The following YBEY variants were observed in gnomAD, a reference collection of about 807,000 sequenced individuals.
The protein encoded by YBEY is endoribonuclease YbeY.
In YBEY, 15 loss-of-function variants were observed where a neutral mutation model predicts 13.5. The ratio of observed to expected loss-of-function variants is 1.11; its 90% CI spans 0.75 to 1.72. The LOEUF (loss-of-function observed/expected upper bound fraction) is 1.72, where lower values mean the gene tolerates loss of function less well. Among genes scored for constraint, YBEY ranks in the 40% most tolerant of loss-of-function variants. YBEY has a pLI of 0.00. For missense variants in YBEY, 244 were observed against 208.4 expected, an observed-to-expected ratio of 1.17 and a Z score of -1.05; for synonymous variants, 101 against 83.1, an observed-to-expected ratio of 1.21 and a Z score of -1.17.
chr21:46,300,516 T>G (rs1027554743), downstream of YBEY: 6 of 411,414 alleles, frequency 1.5e-5, no homozygotes, highest in Admixed American at 3.1e-4. Context: ...GAGCTTTGGT[T>G]TGAGCTTTTA....
chr21:46,299,047 CT>C (rs58361649), downstream of YBEY, among the ~76,000 whole-genome samples: 76,514 of 108,506 alleles, frequency 0.71, 25,777 homozygotes, highest in Middle Eastern at 0.79. Flanking sequence ...TTCTTTCTTT[CT>C]TTTTTTTTTT....
the YBEY span, chr21:46,313,020 G>C: frequency 1.0e-6 from 1 of 985,430 alleles, no homozygotes; most frequent in Non-Finnish European, 1.2e-6. Context: ...GAGGCTGCCT[G>C]GCCTTGTCCC....
chr21:46,297,637 G>T lies in YBEY; in HGVS notation c.*3G>T. The T allele has an allele frequency of 7.7e-7, 1 of 1,303,712 alleles. No homozygotes were observed. Among genetic ancestry groups the T allele is most frequent in the Non-Finnish European group, 9.9e-7 (1 of 1,013,706 alleles). The allele number at this position is 1,303,712 out of a possible 1,614,324, so 80.8% of individuals were successfully genotyped here. A position where few individuals can be genotyped will look rare whatever the true frequency, so the allele number is the denominator to read the frequency against. On this transcript the variant is annotated 3_prime_UTR_variant, in exon 5 of 5. Transcript: ENST00000397701. ...GGGGCCTCTTCGGAGGGAGCTGAGG[G>T]CCGCGTTCCTTCTGAAAGCGGGACG...
At chr21:46,289,148 T>A (rs937501967) in intron 2 of YBEY, among the ~76,000 whole-genome samples, 1 of 152,188 alleles carries the variant, frequency 6.6e-6, no homozygotes, top group African/African-American at 2.4e-5. Context: ...AGTCTTTATG[T>A]GGAAAATGTG....
At chr21:46,291,060 G>A (rs973724721) in intron 2 of YBEY, among the ~76,000 whole-genome samples, 1 of 150,732 alleles carries the variant, frequency 6.6e-6, no homozygotes, top group Non-Finnish European at 1.5e-5. Flanking sequence ...AGCTGGGCAC[G>A]GTGGCATGCA....
intron 2 of YBEY, 133 bp downstream of exon 2, chr21:46,287,256 T>G: frequency 2.3e-6 from 2 of 870,786 alleles, no homozygotes; most frequent in South Asian, 1.8e-5. Flanking sequence ...AGTGCAGTGG[T>G]GCGATCTCGG....
At chr21:46,303,179 A>T in the YBEY span, among the ~76,000 whole-genome samples, 2 of 151,736 alleles carry the variant, frequency 1.3e-5, no homozygotes, top group African/African-American at 4.9e-5. Flanking sequence ...AAAAAAAAAA[A>T]TTAAAACATC....
chr21:46,302,696 C>T (rs1556338), downstream of YBEY: 1 of 774,252 alleles, frequency 1.3e-6, no homozygotes, highest in African/African-American at 1.7e-5. Context: ...GTCCCCGGGG[C>T]AGGCTCTGAG....
chr21:46,312,119 C>CCATT, the YBEY span, among the ~76,000 whole-genome samples: 1 of 152,106 alleles, frequency 6.6e-6, no homozygotes, highest in African/African-American at 2.4e-5. Context: ...ACCTACACAT[C>CCATT]CATTCATCCA....
chr21:46,288,460 G>A (rs576434339), intron 2 of YBEY, among the ~76,000 whole-genome samples: 1 of 151,872 alleles, frequency 6.6e-6, no homozygotes, highest in African/African-American at 2.4e-5. Flanking sequence ...GGTGGATCAC[G>A]ATGTCAGGAA....
chr21:46,308,602 G>A, the YBEY span, among the ~76,000 whole-genome samples: 2 of 152,176 alleles, frequency 1.3e-5, no homozygotes, highest in Non-Finnish European at 2.9e-5. Flanking sequence ...AAAACAAGAA[G>A]CAACCCAAAT....
intron 3 of YBEY, among the ~76,000 whole-genome samples, chr21:46,295,479 C>CCCTCCTCTTCCTCCT (rs1387610032): frequency 3.3e-5 from 5 of 152,060 alleles, no homozygotes; most frequent in Non-Finnish European, 7.4e-5. Context: ...CACAGGCCCT[C>CCCTCCTCTTCCTCCT]CCTCCTCTTC....
At chr21:46,291,064 G>A (rs185532811) in intron 2 of YBEY, among the ~76,000 whole-genome samples, 1 of 151,432 alleles carries the variant, frequency 6.6e-6, no homozygotes, top group East Asian at 1.9e-4. Flanking sequence ...GGGCACGGTG[G>A]CATGCACCTG....
intron 3 of YBEY, among the ~76,000 whole-genome samples, chr21:46,293,193 CGTGCCCGGG>C (rs1384981207): frequency 2.2e-4 from 20 of 89,588 alleles, no homozygotes; most frequent in South Asian, 5.6e-4. Context: ...TAGCCTGACC[CGTGCCCGGG>C]ACTCAGTGGG....
At chr21:46,290,171 G>C (rs558049587) in intron 2 of YBEY, among the ~76,000 whole-genome samples, 1 of 151,884 alleles carries the variant, frequency 6.6e-6, no homozygotes, top group East Asian at 1.9e-4. Flanking sequence ...TGGTTTGTTT[G>C]TATAACCCTA....
chr21:46,301,878 T>A (rs1366748339), downstream of YBEY: 2 of 1,328,538 alleles, frequency 1.5e-6, no homozygotes, highest in African/African-American at 3.1e-5. Context: ...CACACTCGCG[T>A]AGCCACTCCG....
the YBEY span, among the ~76,000 whole-genome samples, chr21:46,309,475 A>C: frequency 3.9e-5 from 6 of 152,244 alleles, no homozygotes; most frequent in East Asian, 1.2e-3. Context: ...AAAAAAAAAA[A>C]AAATTACTCA....
At chr21:46,301,196 C>T (rs1455885034), downstream of YBEY, 4 of 557,776 alleles carry the variant, frequency 7.2e-6, no homozygotes, top group Non-Finnish European at 9.1e-6. Context: ...GGCTATAGTG[C>T]AGTGGTTCCA....
downstream of YBEY, chr21:46,300,628 T>C (rs568034905): frequency 8.2e-7 from 1 of 1,218,908 alleles, no homozygotes; most frequent in South Asian, 1.4e-5. Flanking sequence ...CCCTTCGGTG[T>C]TCACACCTGC....
Sources: allele counts gnomAD v4.1 joint callset (sites outside exome capture counted in the v4.1 genomes callset), GRCh38; gene constraint gnomAD v4.1.1; transcripts MANE v1.5; gene names NCBI Gene and HGNC (gene_info 2026-07-23, HGNC 2026-07-21).